The following SH3KBP1 variants were observed in gnomAD, a reference collection of about 807,000 sequenced individuals.
The protein encoded by SH3KBP1 is SH3 domain containing kinase binding protein 1.
A neutral mutation model predicts 50.1 loss-of-function variants in SH3KBP1; 8 were observed. The observed-to-expected ratio is 0.16, with a 90% CI of 0.09 to 0.29. SH3KBP1 has a LOEUF of 0.29. Among genes scored for constraint, SH3KBP1 ranks in the 10% least tolerant of loss-of-function variants. The pLI, the probability that SH3KBP1 is intolerant of heterozygous loss-of-function variation, is 1.00. For missense variants in SH3KBP1, 377 were observed against 535.2 expected, an observed-to-expected ratio of 0.70 and a Z score of 2.92; for synonymous variants, 227 against 218.6, an observed-to-expected ratio of 1.04 and a Z score of -0.34.
intron 8 of SH3KBP1, among the ~76,000 whole-genome samples, chrX:19,621,574 A>G (rs758909987): frequency 3.7e-5 from 4 of 108,048 alleles, no homozygotes; most frequent in African/African-American, 1.5e-4. Flanking sequence ...AACTAAGAAT[A>G]GTTTTTACAT....
chrX:19,832,741 T>C (rs928690200), intron 2 of SH3KBP1, among the ~76,000 whole-genome samples: 2 of 111,372 alleles, frequency 1.8e-5, no homozygotes, highest in African/African-American at 6.6e-5. Context: ...GACAGGAGCC[T>C]GCTGCCATGC....
chrX:19,692,700 T>TTTTTTTTTTA, intron 5 of SH3KBP1, among the ~76,000 whole-genome samples: 1 of 101,574 alleles, frequency 9.8e-6, no homozygotes, highest in African/African-American at 3.6e-5. Context: ...TTTTTTTTTT[T>TTTTTTTTTTA]TTTTAATAGT....
rs371328890 is a variant in SH3KBP1 at position 19,695,032 on chromosome X, T to C, written c.520+580A>G. ...GAGCTGGAAAGGGCAGCAGAGAAGC[T>C]GGAGGGAGACCTTCAGGCCCTGGAG... On this transcript the variant is annotated intron_variant, in intron 5 of 17. Coordinates refer to ENST00000397821, the MANE Select transcript of SH3KBP1 (RefSeq NM_031892.3). The C allele has an allele frequency of 5.8e-6, 7 of 1,199,566 alleles. No individual in the cohort carries two copies. The African/African-American group carries it at 1.1e-4, about 18-fold the overall frequency.
chrX:19,729,355 C>T (rs910532223), intron 3 of SH3KBP1, among the ~76,000 whole-genome samples: 2 of 112,323 alleles, frequency 1.8e-5, no homozygotes, highest in Non-Finnish European at 3.8e-5. Flanking sequence ...GTGAATGGAT[C>T]GATACAGTTC....
At chrX:19,556,707 C>A (rs1232296838) in intron 13 of SH3KBP1, among the ~76,000 whole-genome samples, 1 of 111,135 alleles carries the variant, frequency 9.0e-6, no homozygotes, top group African/African-American at 3.3e-5. Context: ...CTCGTTCTGT[C>A]ACCCAGTCTG....
intron 2 of SH3KBP1, among the ~76,000 whole-genome samples, chrX:19,770,139 G>A (rs780713260): frequency 4.5e-5 from 5 of 111,610 alleles, no homozygotes; most frequent in South Asian, 7.5e-4. Flanking sequence ...AGATTATTTC[G>A]TCATCCAGGT....
At chrX:19,760,043 T>TCTCCCTCTCC (rs1267621202) in intron 2 of SH3KBP1, among the ~76,000 whole-genome samples, 1 of 55,727 alleles carries the variant, frequency 1.8e-5, no homozygotes, top group African/African-American at 7.4e-5. Flanking sequence ...TCTCTCTCCC[T>TCTCCCTCTCC]CTCTCTCTCT....
chrX:19,734,756 G>T (rs920187755), intron 3 of SH3KBP1, among the ~76,000 whole-genome samples: 2 of 111,842 alleles, frequency 1.8e-5, no homozygotes, highest in African/African-American at 6.5e-5. Context: ...TATTCCGCAC[G>T]TTCATATCAA....
intron 2 of SH3KBP1, among the ~76,000 whole-genome samples, chrX:19,792,731 T>C (rs1344985552): frequency 1.1e-5 from 1 of 92,875 alleles, no homozygotes; most frequent in Non-Finnish European, 2.1e-5. Context: ...CATTTGGTAA[T>C]GTCTGGAGAC....
rs754194120 is a variant in SH3KBP1 at position 19,824,315 on chromosome X, C to A, written c.162+11810G>T. 9.8e-5 allele frequency among the ~76,000 whole-genome samples: 11 copies of A among 112,135 alleles called. No homozygotes were observed. In the East Asian group the frequency reaches 3.1e-3, roughly 31 times the overall value. ...TGAAAATATTTTCTAATTGAAGTCA[C>A]CAGCTACCAATTCATGTTCTTGAGA... On this transcript the variant is annotated intron_variant, in intron 2 of 17. Coordinates refer to ENST00000397821, the MANE Select transcript of SH3KBP1 (RefSeq NM_031892.3).
At chrX:19,837,852 A>G (rs139436105) in intron 1 of SH3KBP1, among the ~76,000 whole-genome samples, 306 of 112,229 alleles carry the variant, frequency 2.7e-3, no homozygotes, top group Non-Finnish European at 4.5e-3. Context: ...TTAGCAATTC[A>G]GAAATTATGA....
chrX:19,863,575 C>A (rs2068831404), intron 1 of SH3KBP1, among the ~76,000 whole-genome samples: 1 of 112,248 alleles, frequency 8.9e-6, no homozygotes, highest in African/African-American at 3.2e-5. Context: ...TGTTAGAATT[C>A]TTGAGAACAC....
At chrX:19,627,871 G>A (rs947299865) in intron 8 of SH3KBP1, among the ~76,000 whole-genome samples, 2 of 112,312 alleles carry the variant, frequency 1.8e-5, no homozygotes, top group African/African-American at 6.5e-5. Context: ...AACCTCTACG[G>A]CGAACACAGA....
chrX:19,780,762 G>A (rs377546336), intron 2 of SH3KBP1, among the ~76,000 whole-genome samples: 117 of 109,504 alleles, frequency 1.1e-3, no homozygotes, highest in Non-Finnish European at 1.7e-3. Flanking sequence ...GTAGACATGC[G>A]GCGTTATTTC....
chrX:19,740,336 C>T (rs1293434784), intron 3 of SH3KBP1, among the ~76,000 whole-genome samples: 3 of 111,813 alleles, frequency 2.7e-5, no homozygotes, highest in Admixed American at 9.5e-5. Context: ...ACTATAGATG[C>T]GTATACAGAT....
chrX:19,535,377 G>T lies in SH3KBP1; in HGVS notation c.*1040C>A, dbSNP rs1036763330. The T allele has an allele frequency of 2.7e-5, 4 of 146,421 alleles. No homozygotes were observed. Among genetic ancestry groups the T allele is most frequent in the Admixed American group, 8.6e-5 (1 of 11,629 alleles). The allele number at this position is 146,421 out of a possible 1,213,427, so 12.1% of individuals were successfully genotyped here. Reference sequence around the variant, plus strand: ...CGATAACACACACGGGTAACCCAGTGCAGGAAATAATACAACTTTCCCTCC... The same window carrying T: ...CGATAACACACACGGGTAACCCAGTTCAGGAAATAATACAACTTTCCCTCC... On this transcript the variant is annotated 3_prime_UTR_variant, in exon 18 of 18. Coordinates refer to ENST00000397821, the MANE Select transcript of SH3KBP1 (RefSeq NM_031892.3).
chrX:19,586,351 G>A (rs942918920), intron 12 of SH3KBP1, among the ~76,000 whole-genome samples: 1 of 112,503 alleles, frequency 8.9e-6, no homozygotes, highest in Non-Finnish European at 1.9e-5. Flanking sequence ...TAGAGCTAAC[G>A]GAAATGTTTG....
At chrX:19,578,171 A>T (rs894246122) in intron 12 of SH3KBP1, among the ~76,000 whole-genome samples, 4 of 111,737 alleles carry the variant, frequency 3.6e-5, no homozygotes, top group Non-Finnish European at 5.6e-5. Flanking sequence ...CTTTATTTCA[A>T]TAGCTTTTGG....
intron 5 of SH3KBP1, among the ~76,000 whole-genome samples, chrX:19,692,912 C>T (rs780999086): frequency 2.2e-3 from 238 of 109,523 alleles, no homozygotes; most frequent in Non-Finnish European, 3.0e-3. Flanking sequence ...TGGTCTCGAA[C>T]TCCTGGGCTC....
Sources: allele counts gnomAD v4.1 joint callset (sites outside exome capture counted in the v4.1 genomes callset), GRCh38; gene constraint gnomAD v4.1.1; transcripts MANE v1.5; gene names NCBI Gene and HGNC (gene_info 2026-07-23, HGNC 2026-07-21).